Variants in PLCL1 observed in about 807,000 individuals in gnomAD.
PLCL1 encodes inactive phospholipase C-like protein 1.
PLCL1 carries 41 observed loss-of-function variants against 84.4 expected under a neutral mutation model. That is an observed-to-expected ratio of 0.49 (90% CI 0.38 to 0.63). The LOEUF is 0.63. Among genes scored for constraint, PLCL1 ranks in the 30% least tolerant of loss-of-function variants. The probability of loss-of-function intolerance (pLI) is 0.00; values close to 1 mark genes in which losing one functional copy is unlikely to be tolerated. For synonymous variants in PLCL1, 490 were observed against 488.3 expected (o/e 1.00, Z -0.05); for missense variants, 1,206 against 1,367.8 (o/e 0.88, Z 1.87).
chr2:197,932,153 TACTC>T (rs1436337629), intron 1 of PLCL1, among the ~76,000 whole-genome samples: 2 of 152,166 alleles, frequency 1.3e-5, no homozygotes, highest in Non-Finnish European at 2.9e-5. Context: ...GGTCCTCTGA[TACTC>T]ACTCATTCCA....
At chr2:197,849,559 A>C (rs1271512312) in intron 1 of PLCL1, among the ~76,000 whole-genome samples, 1 of 152,252 alleles carries the variant, frequency 6.6e-6, no homozygotes, top group Admixed American at 6.5e-5. Context: ...AAATTAAAAA[A>C]TAAATATTTA....
At chr2:198,034,000 TTTC>T (rs568758193) in intron 1 of PLCL1, among the ~76,000 whole-genome samples, 198 of 152,320 alleles carry the variant, frequency 1.3e-3, no homozygotes, top group African/African-American at 4.4e-3. Context: ...AGCTTTTTCT[TTTC>T]TTATTATTAT....
intron 1 of PLCL1, among the ~76,000 whole-genome samples, chr2:197,901,463 A>G (rs1180998320): frequency 1.3e-5 from 2 of 152,214 alleles, no homozygotes; most frequent in African/African-American, 4.8e-5. Flanking sequence ...TTTCTGTTGG[A>G]TCTTGCATGA....
intron 5 of PLCL1, among the ~76,000 whole-genome samples, chr2:198,130,302 G>A (rs780553104): frequency 2.6e-5 from 4 of 152,034 alleles, no homozygotes; most frequent in Non-Finnish European, 4.4e-5. Context: ...TCCCAGAATC[G>A]TTTGCAGGTT....
intron 1 of PLCL1, among the ~76,000 whole-genome samples, chr2:197,850,420 T>G: frequency 6.6e-6 from 1 of 152,308 alleles, no homozygotes; most frequent in South Asian, 2.1e-4. Context: ...GAGTTTAGAA[T>G]ATATGATTGT....
intron 1 of PLCL1, among the ~76,000 whole-genome samples, chr2:198,020,786 C>T (rs1691115646): frequency 6.6e-6 from 1 of 152,156 alleles, no homozygotes. Flanking sequence ...TAGCCTCCCA[C>T]ACAGTACTAG....
At chr2:198,130,650 T>C (rs1384220527) in intron 5 of PLCL1, among the ~76,000 whole-genome samples, 1 of 152,086 alleles carries the variant, frequency 6.6e-6, no homozygotes, top group Non-Finnish European at 1.5e-5. Flanking sequence ...ACCTCTGGAA[T>C]TCCTGCTTGA....
chr2:197,902,371 C>T (rs1688284714), intron 1 of PLCL1, among the ~76,000 whole-genome samples: 1 of 152,158 alleles, frequency 6.6e-6, no homozygotes. Context: ...ATTCATGCTA[C>T]TTGGTCATCC....
intron 1 of PLCL1, among the ~76,000 whole-genome samples, chr2:197,931,296 C>A (rs1688926309): frequency 6.6e-6 from 1 of 152,140 alleles, no homozygotes; most frequent in Admixed American, 6.6e-5. Flanking sequence ...CACCTCAGAG[C>A]AGCATTCTGG....
chr2:197,954,020 T>A (rs1025334975), intron 1 of PLCL1, among the ~76,000 whole-genome samples: 1 of 152,112 alleles, frequency 6.6e-6, no homozygotes, highest in Non-Finnish European at 1.5e-5. Context: ...TGTACATGGC[T>A]GTTTGTTTTT....
chr2:198,007,304 A>G (rs1559071907), intron 1 of PLCL1, among the ~76,000 whole-genome samples: 1 of 152,232 alleles, frequency 6.6e-6, no homozygotes, highest in South Asian at 2.1e-4. Context: ...GCAACTAAAA[A>G]TTGAGTCAAA....
chr2:197,979,791 C>T (rs984415390), intron 1 of PLCL1, among the ~76,000 whole-genome samples: 2 of 152,138 alleles, frequency 1.3e-5, no homozygotes, highest in Admixed American at 1.3e-4. Flanking sequence ...CTAATTTCTT[C>T]CCCTGACCCA....
chr2:197,941,190 G>C (rs1689151869), intron 1 of PLCL1, among the ~76,000 whole-genome samples: 1 of 152,152 alleles, frequency 6.6e-6, no homozygotes, highest in South Asian at 2.1e-4. Flanking sequence ...TACCCAAAGA[G>C]AGGAACCAAA....
chr2:198,146,888 G>A lies in PLCL1; in HGVS notation c.3214G>A (p.Ala1072Thr). ...ACTGAGTAAAGCCCCCAGCAGCAGT[G>A]CTGAGGCCAAGAGCAAGCGCAGCCT... ...CGLSKAPSSSAEAKSKRSLEA... is the reference protein window; with the variant it reads ...CGLSKAPSSSTEAKSKRSLEA... Residue 1072 changes from alanine to threonine, a missense_variant, in exon 6 of 6, where the codon GCT (alanine) becomes ACT (threonine). Ala to Thr is a moderately conservative substitution (Grantham distance 58). Coordinates refer to ENST00000428675, the MANE Select transcript of PLCL1 (RefSeq NM_006226.4). The A allele has an allele frequency of 6.2e-7, 1 of 1,613,548 alleles. No homozygotes were observed. Among genetic ancestry groups the A allele is most frequent in the Non-Finnish European group, 8.5e-7 (1 of 1,179,684 alleles).
chr2:198,074,201 T>C (rs1692526489), intron 1 of PLCL1, among the ~76,000 whole-genome samples: 1 of 152,134 alleles, frequency 6.6e-6, no homozygotes, highest in African/African-American at 2.4e-5. Context: ...TCCTGGAAAT[T>C]GACTATTTTT....
chr2:197,931,812 T>A (rs1455050767), intron 1 of PLCL1, among the ~76,000 whole-genome samples: 1 of 152,062 alleles, frequency 6.6e-6, no homozygotes, highest in Non-Finnish European at 1.5e-5. Context: ...TAAAATTATT[T>A]CTTGAATGTC....
intron 1 of PLCL1, among the ~76,000 whole-genome samples, chr2:197,875,774 G>A (rs955284116): frequency 3.3e-5 from 5 of 150,180 alleles, no homozygotes; most frequent in African/African-American, 1.2e-4. Context: ...TGTCTCTATT[G>A]TGATAAAATT....
intron 1 of PLCL1, among the ~76,000 whole-genome samples, chr2:197,845,562 C>T (rs142677653): frequency 3.3e-5 from 5 of 152,160 alleles, no homozygotes; most frequent in South Asian, 2.1e-4. Context: ...AATTTGAATT[C>T]GTATTCCAGG....
chr2:198,001,996 A>G (rs1419583349), intron 1 of PLCL1: 1 of 440,078 alleles, frequency 2.3e-6, no homozygotes, highest in Non-Finnish European at 4.6e-6. Flanking sequence ...GTTTCCACTG[A>G]TTCTTCATTA....
Sources: allele counts gnomAD v4.1 joint callset (sites outside exome capture counted in the v4.1 genomes callset), GRCh38; gene constraint gnomAD v4.1.1; transcripts MANE v1.5; gene names NCBI Gene and HGNC (gene_info 2026-07-23, HGNC 2026-07-21).